ADGB: variants seen among roughly 807,000 people sequenced by gnomAD.
ADGB encodes the protein androglobin.
In ADGB, 172 loss-of-function variants were observed where a neutral mutation model predicts 210.5. That is an observed-to-expected ratio of 0.82 (90% CI 0.72 to 0.93). The LOEUF (loss-of-function observed/expected upper bound fraction) is 0.93, where lower values mean the gene tolerates loss of function less well. ADGB is among the 40% of genes least tolerant of loss of function. The pLI, the probability that ADGB is intolerant of heterozygous loss-of-function variation, is 0.00. For synonymous variants in ADGB, 658 were observed against 662.7 expected, an observed-to-expected ratio of 0.99 and a Z score of 0.11; for missense variants, 2,025 against 1,964.8, an observed-to-expected ratio of 1.03 and a Z score of -0.58.
intron 35 of ADGB, chr6:146,802,838 T>G: frequency 1.9e-6 from 3 of 1,609,748 alleles, no homozygotes; most frequent in Non-Finnish European, 2.5e-6. Context: ...CTTAGCTATA[T>G]TACCAGTATA....
At chr6:146,706,065 C>T (rs1776565047) in intron 13 of ADGB, among the ~76,000 whole-genome samples, 1 of 150,682 alleles carries the variant, frequency 6.6e-6, no homozygotes, top group South Asian at 2.1e-4. Context: ...GCTGTTACTA[C>T]AGGCATGCAC....
In ADGB at chr6:146,729,814, G is replaced by T. The variant is rs189331758; in HGVS notation, c.2520+1073G>T. ...CTAGGAATTTGTCCTTTTCTTCTGG[G>T]TTATCCAACTTGTTGGCATATCATT... On this transcript the variant is annotated intron_variant, in intron 20 of 35. Transcript: ENST00000397944. Among the ~76,000 whole-genome samples, 93 of 152,150 alleles carry T rather than the reference G, an allele frequency of 6.1e-4. No homozygotes were observed. In the East Asian group the frequency reaches 7.9e-3, roughly 13 times the overall value.
intron 7 of ADGB, among the ~76,000 whole-genome samples, chr6:146,667,698 CACTT>C (rs1775954719): frequency 6.6e-6 from 1 of 152,038 alleles, no homozygotes; most frequent in African/African-American, 2.4e-5. Context: ...AAACCTGTCA[CACTT>C]ACTTCAATAT....
chr6:146,663,172 T>TA lies in ADGB; in HGVS notation c.613-1028dup, dbSNP rs1562268241. Among the ~76,000 whole-genome samples, 126 of 142,276 alleles carry TA rather than the reference T, an allele frequency of 8.9e-4. 1 individual carries two copies. The highest frequency in any genetic ancestry group is 7.2e-3 in the Middle Eastern group (2 of 276). 93.3% of individuals were successfully genotyped at this position (142,276 alleles called of 152,430 possible). Reference sequence around the variant, plus strand: ...AAATATATAATATATATTTATTATATATTATATATTATATATAATAATATT... The same window carrying TA: ...AAATATATAATATATATTTATTATATAATTATATATTATATATAATAATATT... On this transcript the variant is annotated intron_variant, in intron 5 of 35. Transcript: ENST00000397944.
rs558604559 is a variant in ADGB at position 146,811,413 on chromosome 6, A to G, written c.4819-3619A>G. On this transcript the variant is annotated intron_variant, in intron 35 of 35. Transcript: ENST00000397944. ...TCATATATAAATTTATGAATTTTAT[A>G]TATACATGTATGTGTGTCTTTGTGT... is the stretch of plus-strand genomic sequence containing the variant. 3.2e-3 allele frequency among the ~76,000 whole-genome samples: 442 copies of G among 139,312 alleles called. 1 individual carries two copies. Among genetic ancestry groups the G allele is most frequent in the Non-Finnish European group, 5.3e-3 (347 of 65,288 alleles). The allele number at this position is 139,312 out of a possible 152,430, so 91.4% of individuals were successfully genotyped here.
chr6:146,785,789 G>A, intron 32 of ADGB, 77 bp downstream of exon 32: 1 of 1,036,914 alleles, frequency 9.6e-7, no homozygotes. Context: ...TAATCAGTGG[G>A]TTGTGCTTGG....
chr6:146,622,683 T>A (rs1191049587), intron 1 of ADGB, among the ~76,000 whole-genome samples: 3 of 152,102 alleles, frequency 2.0e-5, no homozygotes, highest in Non-Finnish European at 4.4e-5. Context: ...GCAGTCTTTT[T>A]ATTCTATTAA....
At chr6:146,701,644 G>T (rs1315228609) in intron 13 of ADGB, among the ~76,000 whole-genome samples, 3 of 151,816 alleles carry the variant, frequency 2.0e-5, no homozygotes, top group Non-Finnish European at 4.4e-5. Context: ...ACGTGCTATG[G>T]CTCCCCTTAA....
intron 13 of ADGB, among the ~76,000 whole-genome samples, chr6:146,710,132 C>T (rs1434146149): frequency 2.0e-5 from 3 of 150,250 alleles, no homozygotes; most frequent in Admixed American, 6.6e-5. Flanking sequence ...AATCATATTA[C>T]ATATATATAT....
chr6:146,661,003 T>TGAA (rs1488380404), intron 5 of ADGB, among the ~76,000 whole-genome samples: 1 of 152,116 alleles, frequency 6.6e-6, no homozygotes, highest in Admixed American at 6.6e-5. Context: ...GGGCATTCCT[T>TGAA]AGGATTCCAT....
At chr6:146,726,488 G>C (rs538878035) in intron 19 of ADGB, among the ~76,000 whole-genome samples, 11 of 152,170 alleles carry the variant, frequency 7.2e-5, no homozygotes, top group Non-Finnish European at 1.6e-4. Context: ...CTCCCAAAGT[G>C]CTGGGATCAC....
At position 146,815,043 on chromosome 6, in the gene ADGB, T is replaced by C. The variant is rs1164744557; in HGVS notation, c.4830T>C (p.Asp1610=). The change falls in exon 36 of 36, where the codon GAT becomes GAC. Residue 1610 remains aspartate (D), a synonymous_variant. Coordinates refer to ENST00000397944, the MANE Select transcript of ADGB (RefSeq NM_024694.4). ...DMYKEMQDSL[D]EARQKIFDIR... ...TTGCTTTGGAACAGGACTCCTTAGA[T>C]GAAGCCCGACAGAAAATTTTCGACA... 9.7e-6 allele frequency: 15 copies of C among 1,544,644 alleles called. No homozygotes were observed. The highest frequency in any genetic ancestry group is 9.6e-6 in the Non-Finnish European group (11 of 1,145,434).
At chr6:146,660,531 G>A (rs1427312896) in intron 5 of ADGB, among the ~76,000 whole-genome samples, 1 of 151,656 alleles carries the variant, frequency 6.6e-6, no homozygotes, top group Non-Finnish European at 1.5e-5. Flanking sequence ...GTATTATTCT[G>A]TACACTATTC....
chr6:146,780,052 C>A (rs965992002), intron 29 of ADGB, among the ~76,000 whole-genome samples: 2 of 151,342 alleles, frequency 1.3e-5, no homozygotes, highest in Non-Finnish European at 2.9e-5. Context: ...GGGCTTTATA[C>A]ATATACATAT....
rs549081512 is a variant in ADGB at position 146,643,150 on chromosome 6, C to T, written c.238-1623C>T. On this transcript the variant is annotated intron_variant, in intron 2 of 35. Transcript: ENST00000397944. ...AAATTCAGTCAATTTTTCGATGACT[C>T]GCTTTTTGAGACTCTTGCCTGGATA... Among the ~76,000 whole-genome samples, 6 of 151,798 alleles carry T rather than the reference C, an allele frequency of 4.0e-5. No homozygotes were observed. In the South Asian group the frequency reaches 1.2e-3, roughly 32 times the overall value.
intron 28 of ADGB, among the ~76,000 whole-genome samples, chr6:146,767,955 G>T (rs1156747865): frequency 2.6e-5 from 4 of 152,132 alleles, no homozygotes; most frequent in African/African-American, 7.2e-5. Flanking sequence ...CTATGCATTA[G>T]ACATCAGAAT....
chr6:146,785,728 C>G lies in ADGB; in HGVS notation c.4315+16C>G. The G allele has an allele frequency of 6.6e-7, 1 of 1,521,030 alleles. No individual in the cohort carries two copies. The highest frequency in any genetic ancestry group is 8.9e-7 in the Non-Finnish European group (1 of 1,119,962). 94.2% of individuals were successfully genotyped at this position (1,521,030 alleles called of 1,614,324 possible). A position where few individuals can be genotyped will look rare whatever the true frequency, so the allele number is the denominator to read the frequency against. On this transcript the variant is annotated intron_variant, in intron 32 of 35. Transcript: ENST00000397944. The stretch of plus-strand genomic sequence containing the variant: ...AAAGAAGAAGGTGAGTGGATCCTAC[C>G]ACCCCAGCTGCCTCAGAGCACAGAG...
chr6:146,764,388 AG>A, intron 28 of ADGB, among the ~76,000 whole-genome samples: 1 of 152,172 alleles, frequency 6.6e-6, no homozygotes, highest in South Asian at 2.1e-4. Context: ...GGTTATAAGA[AG>A]CTATATAACT....
chr6:146,811,554 T>C (rs1224134466), intron 35 of ADGB, among the ~76,000 whole-genome samples: 1 of 152,148 alleles, frequency 6.6e-6, no homozygotes, highest in East Asian at 1.9e-4. Context: ...TGCAAACAAT[T>C]TGTCATTACA....
Sources: allele counts gnomAD v4.1 joint callset (sites outside exome capture counted in the v4.1 genomes callset), GRCh38; gene constraint gnomAD v4.1.1; transcripts MANE v1.5; gene names NCBI Gene and HGNC (gene_info 2026-07-23, HGNC 2026-07-21).